MLLT6: variants seen among roughly 807,000 people sequenced by gnomAD.
MLLT6 encodes the protein MLLT6, PHD finger containing.
In MLLT6, 22 loss-of-function variants were observed where a neutral mutation model predicts 103.0. That is an observed-to-expected ratio of 0.21 (90% confidence interval 0.15 to 0.31). MLLT6 has a LOEUF of 0.31. Ranked by LOEUF, MLLT6 falls within the 10% of genes least tolerant of loss-of-function variation. MLLT6 has a pLI of 1.00. For synonymous variants in MLLT6, 606 were observed against 623.5 expected, an observed-to-expected ratio of 0.97 and a Z score of 0.42; for missense variants, 1,199 against 1,441.7, an observed-to-expected ratio of 0.83 and a Z score of 2.73.
intron 18 of MLLT6, 45 bp downstream of exon 18, chr17:38,722,813 T>G (rs774832855): frequency 5.0e-6 from 7 of 1,388,794 alleles, no homozygotes. Context: ...TTGGTCTGCC[T>G]GGAAGGGCAC....
At position 38,722,215 on chromosome 17, in the gene MLLT6, G is replaced by C. The variant is rs1310970936; in HGVS notation, c.2780G>C (p.Gly927Ala). The C allele has an allele frequency of 7.3e-7, 1 of 1,370,348 alleles. No individual in the cohort carries two copies. The highest frequency in any genetic ancestry group is 9.4e-7 in the Non-Finnish European group (1 of 1,067,630). The allele number at this position is 1,370,348 out of a possible 1,614,324, so 84.9% of individuals were successfully genotyped here. The part of the protein sequence containing the change: ...AGGAPTLQLP[G>A]CLNSLTEQQR... The stretch of plus-strand genomic sequence containing the variant: ...GGGGCCCCCACGCTGCAGCTGCCAG[G>C]CTGTCTCAACAGGTGAGGGAGAGCT... Residue 927 changes from glycine to alanine, a missense_variant, in exon 17 of 20, where the codon GGC (glycine) becomes GCC (alanine). Gly to Ala is a moderately conservative substitution (Grantham distance 60). This residue lies in a region of MLLT6 where 1,034 missense variants were observed against 1,091.5 expected (regional missense o/e 0.95). Transcript: ENST00000621332.
At chr17:38,721,833 A>T in intron 16 of MLLT6, 45 bp from the exon 17 acceptor site, 6 of 1,384,836 alleles carry the variant, frequency 4.3e-6, no homozygotes, top group Non-Finnish European at 5.8e-6. Context: ...GGGCCAGAAA[A>T]GTCATGCTGG....
rs202110447 is a variant in MLLT6 at position 38,720,758 on chromosome 17, C to T, written c.2442+11C>T. On this transcript the variant is annotated intron_variant, in intron 16 of 19. Coordinates refer to ENST00000621332, the MANE Select transcript of MLLT6 (RefSeq NM_005937.4). ...TCCACTTCTTCTGAGGTGGGCGCTA[C>T]GAGGAGTGGGGCAGGAAGGAGGGGG... 1.0e-4 allele frequency: 166 copies of T among 1,612,348 alleles called. No homozygotes were observed. The African/African-American group carries it at 1.9e-3, about 19-fold the overall frequency.
In MLLT6 at chr17:38,715,844, C is replaced by T. The variant is rs192449364; in HGVS notation, c.1036+16C>T. ...CAGCCTGCAGGTGAGTGTGGGCATC[C>T]GGGAGGAAGCTGGGAGCAGGGAAAG... On this transcript the variant is annotated intron_variant, in intron 9 of 19. Coordinates refer to ENST00000621332, the MANE Select transcript of MLLT6 (RefSeq NM_005937.4). 2.4e-5 allele frequency: 37 copies of T among 1,570,484 alleles called. No homozygotes were observed. Among genetic ancestry groups the T allele is most frequent in the African/African-American group, 1.8e-4 (13 of 74,028 alleles).
chr17:38,728,965 C>G lies in MLLT6; in HGVS notation c.*3367C>G, dbSNP rs1906180790. On this transcript the variant is annotated 3_prime_UTR_variant, in exon 20 of 20. Transcript: ENST00000621332. ...CAGGCTCCTGGGTCTGCTGCTGCCT[C>G]AAGGTGTCCTGACCTTGAGGCTGAT... 4.3e-6 allele frequency: 1 copy of G among 233,736 alleles called. No individual in the cohort carries two copies. Among genetic ancestry groups the G allele is most frequent in the Non-Finnish European group, 8.5e-6 (1 of 118,164 alleles). The allele number at this position is 233,736 out of a possible 1,614,324, so 14.5% of individuals were successfully genotyped here. A position where few individuals can be genotyped will look rare whatever the true frequency, so the allele number is the denominator to read the frequency against.
intron 11 of MLLT6, 102 bp from the exon 12 acceptor site, chr17:38,717,743 C>T (rs981468726): frequency 3.7e-6 from 5 of 1,343,106 alleles, no homozygotes; most frequent in Non-Finnish European, 5.3e-6. Context: ...GGGCTCTGGA[C>T]CCCTCTGCTC....
intron 18 of MLLT6, among the ~76,000 whole-genome samples, chr17:38,723,894 C>T (rs1213226464): frequency 2.0e-5 from 3 of 151,768 alleles, no homozygotes; most frequent in Admixed American, 6.6e-5. Context: ...AGGTGCATGC[C>T]ACCATGCCCA....
At position 38,717,872 on chromosome 17, in the gene MLLT6, A is replaced by G; in HGVS notation, c.1861A>G (p.Ser621Gly). 6.2e-7 allele frequency: 1 copy of G among 1,613,862 alleles called. No homozygotes were observed. The highest frequency in any genetic ancestry group is 8.5e-7 in the Non-Finnish European group (1 of 1,179,860). Residue 621 changes from serine (S) to glycine (G), a missense_variant, in exon 12 of 20, where the codon AGC (serine) becomes GGC (glycine). Physicochemically the swap from Ser to Gly is moderately conservative, Grantham distance 56. Transcript: ENST00000621332. ...QVFSLAGSTF[S>G]LPSTHIFGTP... is the part of the protein sequence containing the mutation. ...GTTTTCTCTGGCTGGCTCTACCTTT[A>G]GCCTCCCTTCTACCCACATCTTTGG...
intron 6 of MLLT6, among the ~76,000 whole-genome samples, chr17:38,710,078 C>T (rs1905092897): frequency 6.6e-6 from 1 of 152,124 alleles, no homozygotes; most frequent in Non-Finnish European, 1.5e-5. Flanking sequence ...TTAGAACGGG[C>T]AGCCTAATTT....
intron 17 of MLLT6, 72 bp downstream of exon 17, chr17:38,722,299 C>T (rs1905800791): frequency 8.6e-7 from 1 of 1,156,180 alleles, no homozygotes; most frequent in Non-Finnish European, 1.1e-6. Context: ...GGATTTTCCC[C>T]AAAACACCCA....
Position 38,716,183 on chromosome 17 carries a change from T to TA in MLLT6, c.1037-183dup, listed in dbSNP as rs1490159264. 2 of 635,048 alleles carry TA rather than the reference T, an allele frequency of 3.1e-6. No individual in the cohort carries two copies. The highest frequency in any genetic ancestry group is 5.6e-5 in the East Asian group (2 of 35,996). The allele number at this position is 635,048 out of a possible 1,614,324, so 39.3% of individuals were successfully genotyped here. A position where few individuals can be genotyped will look rare whatever the true frequency, so the allele number is the denominator to read the frequency against. The stretch of plus-strand genomic sequence containing the variant: ...TGCGAGTTACTCTCCCCCATTTTAT[T>TA]ACAGGTGGGAAAGCTGGAGGGGTCG... On this transcript the variant is annotated intron_variant, in intron 9 of 19. Transcript: ENST00000621332. This position sits in a 1 kb window ranked among gnomAD's most constrained non-coding sequence, Gnocchi z 5.6.
chr17:38,724,052 C>G lies in MLLT6; in HGVS notation c.2884-568C>G, dbSNP rs1444488334. ...GCCACCGTGTCCGGCGAATTGAAAACTATTGACCTAGTCAGTAGTTTTGGC... is the reference window on the plus strand; with the variant it reads ...GCCACCGTGTCCGGCGAATTGAAAAGTATTGACCTAGTCAGTAGTTTTGGC... On this transcript the variant is annotated intron_variant, in intron 18 of 19. Coordinates refer to ENST00000621332, the MANE Select transcript of MLLT6 (RefSeq NM_005937.4). This position sits in a 1 kb window ranked among gnomAD's most constrained non-coding sequence, Gnocchi z 5.4. 6.6e-6 allele frequency among the ~76,000 whole-genome samples: 1 copy of G among 152,088 alleles called. No individual in the cohort carries two copies. Among genetic ancestry groups the G allele is most frequent in the Non-Finnish European group, 1.5e-5 (1 of 68,026 alleles).
intron 3 of MLLT6, 97 bp downstream of exon 3, chr17:38,707,637 TC>T: frequency 2.2e-6 from 3 of 1,383,552 alleles, no homozygotes; most frequent in Non-Finnish European, 2.1e-6. Flanking sequence ...GGGTTTCCTT[TC>T]CCTGGCTGGC....
At chr17:38,720,608 C>G in intron 15 of MLLT6, 39 bp downstream of exon 15, 1 of 1,612,914 alleles carries the variant, frequency 6.2e-7, no homozygotes, top group East Asian at 2.2e-5. Context: ...GAGGCCCGTG[C>G]CCTGAAGTCC....
chr17:38,716,307 G>A lies in MLLT6; in HGVS notation c.1037-60G>A. ...AGCTCTCTCCCGCCAGTACACGCGG[G>A]AGTGGGAGGGAGTGCGGGGATCTGG... On this transcript the variant is annotated intron_variant, in intron 9 of 19. Coordinates refer to ENST00000621332, the MANE Select transcript of MLLT6 (RefSeq NM_005937.4). This position sits in a 1 kb window ranked among gnomAD's most constrained non-coding sequence, Gnocchi z 5.6. The A allele has an allele frequency of 6.5e-7, 1 of 1,537,498 alleles. No individual in the cohort carries two copies. The highest frequency in any genetic ancestry group is 8.8e-7 in the Non-Finnish European group (1 of 1,133,118).
At chr17:38,719,955 C>G in intron 14 of MLLT6, 60 bp downstream of exon 14, 1 of 1,490,934 alleles carries the variant, frequency 6.7e-7, no homozygotes, top group South Asian at 1.3e-5. Context: ...TCACCTTTCT[C>G]CCCGAGGTCC....
At chr17:38,720,883 C>T in intron 16 of MLLT6, 136 bp downstream of exon 16, 3 of 761,892 alleles carry the variant, frequency 3.9e-6, no homozygotes, top group Middle Eastern at 2.4e-4. Flanking sequence ...TCAGTCCTCC[C>T]TTAATCAAGT....
At chr17:38,706,210 C>G (rs964575183) in intron 1 of MLLT6, 1 of 152,206 alleles carries the variant, frequency 6.6e-6, no homozygotes, top group Non-Finnish European at 1.5e-5. Context: ...TCCTAAAATC[C>G]GCCGGGGAAG....
intron 4 of MLLT6, among the ~76,000 whole-genome samples, chr17:38,708,860 T>C (rs1344622645): frequency 6.6e-6 from 1 of 152,220 alleles, no homozygotes; most frequent in Non-Finnish European, 1.5e-5. Context: ...ATCGTGCCAC[T>C]GCACTCCAAC....
Sources: allele counts gnomAD v4.1 joint callset (sites outside exome capture counted in the v4.1 genomes callset), GRCh38; gene constraint gnomAD v4.1.1; regional missense constraint gnomAD v4.1.1; non-coding constraint Gnocchi (gnomAD v3.1); transcripts MANE v1.5; gene names NCBI Gene and HGNC (gene_info 2026-07-23, HGNC 2026-07-21).